PRXL2A: variants seen among roughly 807,000 people sequenced by gnomAD.
The protein encoded by PRXL2A is peroxiredoxin like 2A, also known as peroxiredoxin-like 2A.
PRXL2A carries 26 observed loss-of-function variants against 25.6 expected under a neutral mutation model. The ratio of observed to expected loss-of-function variants is 1.02; its 90% CI spans 0.74 to 1.41. The LOEUF (loss-of-function observed/expected upper bound fraction) is 1.41. PRXL2A is among the 40% of genes most tolerant of loss of function. The probability of loss-of-function intolerance (pLI) is 0.00; values close to 1 mark genes in which losing one functional copy is unlikely to be tolerated. For missense variants in PRXL2A, 246 were observed against 273.9 expected, an observed-to-expected ratio of 0.90 and a Z score of 0.72; for synonymous variants, 98 against 102.9, an observed-to-expected ratio of 0.95 and a Z score of 0.29.
chr10:80,423,501 C>G (rs1362838086), intron 3 of PRXL2A, among the ~76,000 whole-genome samples: 1 of 152,212 alleles, frequency 6.6e-6, no homozygotes, highest in Non-Finnish European at 1.5e-5. Flanking sequence ...GGTTCCCCTC[C>G]CTGACCCTGA....
intron 1 of PRXL2A, chr10:80,420,187 G>T: frequency 2.8e-6 from 3 of 1,078,188 alleles, no homozygotes; most frequent in Non-Finnish European, 3.4e-6. Flanking sequence ...AGAGAGAGCA[G>T]CAAGAGAACC....
At chr10:80,423,893 G>A (rs1844945872) in intron 3 of PRXL2A, among the ~76,000 whole-genome samples, 1 of 152,176 alleles carries the variant, frequency 6.6e-6, no homozygotes, top group Non-Finnish European at 1.5e-5. Flanking sequence ...AGACTATAGG[G>A]GAGAATCCAT....
At chr10:80,413,297 G>A (rs1844536477) in intron 1 of PRXL2A, among the ~76,000 whole-genome samples, 2 of 152,154 alleles carry the variant, frequency 1.3e-5, no homozygotes, top group African/African-American at 2.4e-5. Context: ...AGTGGTGGGA[G>A]AAGTGCTGGA....
chr10:80,423,709 A>G (rs1396709053), intron 3 of PRXL2A, among the ~76,000 whole-genome samples: 1 of 152,226 alleles, frequency 6.6e-6, no homozygotes, highest in Non-Finnish European at 1.5e-5. Flanking sequence ...TTCTCATTAC[A>G]GAGGAGGAAA....
At chr10:80,409,386 G>T (rs898044894) in intron 1 of PRXL2A, among the ~76,000 whole-genome samples, 3 of 152,162 alleles carry the variant, frequency 2.0e-5, no homozygotes, top group African/African-American at 7.2e-5. Context: ...TGGGAAGGAG[G>T]CACACCCGGG....
At chr10:80,421,132 T>C (rs1477157507) in intron 2 of PRXL2A, among the ~76,000 whole-genome samples, 2 of 152,188 alleles carry the variant, frequency 1.3e-5, no homozygotes, top group Non-Finnish European at 2.9e-5. Context: ...CACAGACATA[T>C]GCTTATTAGA....
At chr10:80,430,974 C>G (rs1845236707) in intron 5 of PRXL2A, among the ~76,000 whole-genome samples, 1 of 152,152 alleles carries the variant, frequency 6.6e-6, no homozygotes, top group Non-Finnish European at 1.5e-5. Flanking sequence ...ACTGCAACCT[C>G]CGCCTCCCAG....
At chr10:80,426,909 C>G (rs910618889) in intron 4 of PRXL2A, among the ~76,000 whole-genome samples, 1 of 151,894 alleles carries the variant, frequency 6.6e-6, no homozygotes, top group Admixed American at 6.6e-5. Context: ...TTTGGGAGGC[C>G]GAGGTGGGCA....
At chr10:80,414,648 A>G (rs1406334599) in intron 1 of PRXL2A, among the ~76,000 whole-genome samples, 1 of 152,174 alleles carries the variant, frequency 6.6e-6, no homozygotes, top group Non-Finnish European at 1.5e-5. Context: ...CAGGCTTTGG[A>G]GTCCTATTCC....
chr10:80,422,611 A>T, intron 3 of PRXL2A, 103 bp downstream of exon 3: 1 of 778,856 alleles, frequency 1.3e-6, no homozygotes, highest in Non-Finnish European at 2.1e-6. Flanking sequence ...TTAGCCTTTT[A>T]CCCACATGTT....
chr10:80,412,870 T>G (rs1844519660), intron 1 of PRXL2A, among the ~76,000 whole-genome samples: 1 of 151,988 alleles, frequency 6.6e-6, no homozygotes. Context: ...AAAGGTGTAA[T>G]CAGGTGGGGG....
At chr10:80,416,606 T>C (rs7910229) in intron 1 of PRXL2A, among the ~76,000 whole-genome samples, 66 of 152,232 alleles carry the variant, frequency 4.3e-4, no homozygotes, top group African/African-American at 1.5e-3. Flanking sequence ...GGGGTAGAGA[T>C]GTGTGCACGT....
chr10:80,428,301 G>T (rs1845123406), intron 5 of PRXL2A, among the ~76,000 whole-genome samples: 2 of 152,222 alleles, frequency 1.3e-5, no homozygotes, highest in South Asian at 2.1e-4. Context: ...AGCCATGGTG[G>T]TTCCCCTGCC....
At chr10:80,430,070 T>G (rs1342702989) in intron 5 of PRXL2A, among the ~76,000 whole-genome samples, 1 of 150,308 alleles carries the variant, frequency 6.7e-6, no homozygotes, top group Non-Finnish European at 1.5e-5. Context: ...TAGTCTAAAA[T>G]TGGGGTGGTG....
intron 3 of PRXL2A, 60 bp from the exon 4 acceptor site, chr10:80,425,806 C>G (rs528457493): frequency 6.2e-7 from 1 of 1,605,694 alleles, no homozygotes; most frequent in African/African-American, 1.3e-5. Context: ...ACCTGACACC[C>G]TATGTGGAGG....
chr10:80,408,927 C>A, intron 1 of PRXL2A: 3 of 575,936 alleles, frequency 5.2e-6, no homozygotes, highest in Non-Finnish European at 6.6e-6. Flanking sequence ...CTGCGGCGGG[C>A]TAGGGCCCCC....
chr10:80,424,033 G>A (rs766043972), intron 3 of PRXL2A, among the ~76,000 whole-genome samples: 1 of 152,046 alleles, frequency 6.6e-6, no homozygotes, highest in Non-Finnish European at 1.5e-5. Flanking sequence ...TTGATTTCTC[G>A]GGGCCATTAA....
chr10:80,410,562 A>G (rs932380210), intron 1 of PRXL2A, among the ~76,000 whole-genome samples: 2 of 152,256 alleles, frequency 1.3e-5, no homozygotes, highest in Non-Finnish European at 2.9e-5. Flanking sequence ...AAAGAGAGAA[A>G]GATAATGCTG....
intron 1 of PRXL2A, among the ~76,000 whole-genome samples, chr10:80,410,699 G>A (rs1404401049): frequency 6.6e-6 from 1 of 152,206 alleles, no homozygotes; most frequent in Non-Finnish European, 1.5e-5. Flanking sequence ...ATAACTCTCA[G>A]AGTCAAAGAG....
Sources: gnomAD v4.1 joint callset for allele counts (sites outside exome capture counted in the v4.1 genomes callset) on GRCh38, gnomAD v4.1.1 for gene constraint, MANE v1.5 for transcripts, NCBI Gene and HGNC (gene_info 2026-07-23, HGNC 2026-07-21) for gene names.